Variants in FPR1 observed in about 807,000 individuals in gnomAD.
The protein encoded by FPR1 is formyl peptide receptor 1, also known as N-formyl peptide receptor 1.
For synonymous variants in FPR1, 193 were observed against 176.7 expected, an observed-to-expected ratio of 1.09 and a Z score of -0.73; for missense variants, 407 against 453.0, an observed-to-expected ratio of 0.90 and a Z score of 0.92.
At position 51,746,851 on chromosome 19, in the gene FPR1, G is replaced by C; in HGVS notation, c.144C>G (p.Ile48Met). 6.2e-7 allele frequency: 1 copy of C among 1,614,162 alleles called. No homozygotes were observed. Among genetic ancestry groups the C allele is most frequent in the Non-Finnish European group, 8.5e-7 (1 of 1,180,034 alleles). The change falls in exon 2 of 2, where the codon ATC (isoleucine) becomes ATG (methionine). Residue 48 changes from isoleucine (I) to methionine (M), a missense_variant. Ile to Met is a conservative substitution (Grantham distance 10, BLOSUM62 1). Transcript: ENST00000304748. This position sits in a 1 kb window ranked among gnomAD's most constrained non-coding sequence, Gnocchi z 4.3. Reference sequence around the variant, plus strand: ...GTGTCATCCGGAATCCAGCCACCCAGATCACAAGCCCGTTGCCCAGGACCC... The same window carrying C: ...GTGTCATCCGGAATCCAGCCACCCACATCACAAGCCCGTTGCCCAGGACCC... Reference protein sequence around the residue: ...VLGVLGNGLVIWVAGFRMTHT... With the variant: ...VLGVLGNGLVMWVAGFRMTHT...
chr19:51,748,028 C>T lies in FPR1; in HGVS notation c.-11-1023G>A, dbSNP rs377076886. Among the ~76,000 whole-genome samples the T allele has an allele frequency of 4.6e-5, 7 of 152,172 alleles. No individual in the cohort carries two copies. In the East Asian group the frequency reaches 7.7e-4, roughly 17 times the overall value. On this transcript the variant is annotated intron_variant, in intron 1 of 1. Coordinates refer to ENST00000304748, the MANE Select transcript of FPR1 (RefSeq NM_002029.4). Reference sequence around the variant, plus strand: ...ATTAGCTGGATGTGGTGGCACACACCTGTAGTCCTAGCTACTCAGAAGGGT... The same window carrying T: ...ATTAGCTGGATGTGGTGGCACACACTTGTAGTCCTAGCTACTCAGAAGGGT...
intron 1 of FPR1, among the ~76,000 whole-genome samples, chr19:51,748,885 T>G (rs2083763837): frequency 6.6e-6 from 1 of 152,126 alleles, no homozygotes. Flanking sequence ...GGACTAAGAC[T>G]TTCTCTCACC....
intron 1 of FPR1, 58 bp downstream of exon 1, chr19:51,751,756 C>G (rs1296709640): frequency 6.6e-6 from 1 of 152,224 alleles, no homozygotes; most frequent in Non-Finnish European, 1.5e-5. Flanking sequence ...ATTGTGTTCA[C>G]CAGTGTATTA....
At chr19:51,748,263 A>T (rs1224325707) in intron 1 of FPR1, among the ~76,000 whole-genome samples, 2 of 152,254 alleles carry the variant, frequency 1.3e-5, no homozygotes, top group East Asian at 3.8e-4. Flanking sequence ...AAATATCCAG[A>T]GTAGCCAAAC....
intron 1 of FPR1, 49 bp from the exon 2 acceptor site, chr19:51,747,054 AT>A (rs2083752898): frequency 7.5e-7 from 1 of 1,327,760 alleles, no homozygotes; most frequent in South Asian, 1.4e-5. Context: ...CCTCCGTACC[AT>A]TTCCCCACCC....
At position 51,746,530 on chromosome 19, in the gene FPR1, G is replaced by T; in HGVS notation, c.465C>A (p.Leu155=). The change falls in exon 2 of 2, where the codon CTC becomes CTA. Residue 155 remains leucine (L), a synonymous_variant. Coordinates refer to ENST00000304748, the MANE Select transcript of FPR1 (RefSeq NM_002029.4). The surrounding 1 kb of genome is among the most constrained non-coding windows in gnomAD (Gnocchi z 4.3). ...CACGAATGATAACTGGCAATGTGAG[G>T]AGCAGAGCCATCACCCAGGGCCCAA... is the stretch of plus-strand genomic sequence containing the variant. ...VIIGPWVMAL[L]LTLPVIIRVT... is the part of the protein sequence containing the mutation. 6.2e-7 allele frequency: 1 copy of T among 1,614,178 alleles called. No individual in the cohort carries two copies. Among genetic ancestry groups the T allele is most frequent in the Non-Finnish European group, 8.5e-7 (1 of 1,180,036 alleles).
chr19:51,746,438 T>C lies in FPR1; in HGVS notation c.557A>G (p.Asp186Gly), dbSNP rs1472804229. The C allele has an allele frequency of 1.9e-6, 3 of 1,613,926 alleles. No individual in the cohort carries two copies. The highest frequency in any genetic ancestry group is 2.5e-6 in the Non-Finnish European group (3 of 1,180,012). Residue 186 changes from aspartate (D) to glycine (G), a missense_variant, in exon 2 of 2, where the codon GAC (aspartate) becomes GGC (glycine). Physicochemically the swap from Asp to Gly is moderately conservative, Grantham distance 94. Transcript: ENST00000304748. The surrounding 1 kb of genome is among the most constrained non-coding windows in gnomAD (Gnocchi z 4.3). ...GGCCACATTTATCCTCTCTTTAGGG[T>C]CGTTGGTCCAGGGCGAAAAGTTAAA... ...CTFNFSPWTN[D>G]PKERINVAVA...
Position 51,746,151 on chromosome 19 carries a change from C to T in FPR1, c.844G>A (p.Ala282Thr), listed in dbSNP as rs745657784. Residue 282 changes from alanine (A) to threonine (T), a missense_variant, in exon 2 of 2, where the codon GCA becomes ACA. Transcript: ENST00000304748. The surrounding 1 kb of genome is among the most constrained non-coding windows in gnomAD (Gnocchi z 4.3). ...LQGMYKEIGI[A>T]VDVTSALAFF... ...GCCAGGGCACTTGTCACATCCACTG[C>T]AATACCAATTTCTTTGTACATGCCT... The T allele has an allele frequency of 6.2e-7, 1 of 1,614,092 alleles. No homozygotes were observed. The highest frequency in any genetic ancestry group is 1.3e-5 in the African/African-American group (1 of 74,928).
rs151277630 is a variant in FPR1 at position 51,746,581 on chromosome 19, G to A, written c.414C>T (p.Thr138=). 3.1e-5 allele frequency: 50 copies of A among 1,614,178 alleles called. No homozygotes were observed. Among genetic ancestry groups the A allele is most frequent in the African/African-American group, 2.3e-4 (17 of 75,034 alleles). Residue 138 remains threonine (T), a synonymous_variant, in exon 2 of 2, where the codon ACC becomes ACT. Coordinates refer to ENST00000304748, the MANE Select transcript of FPR1 (RefSeq NM_002029.4). This position sits in a 1 kb window ranked among gnomAD's most constrained non-coding sequence, Gnocchi z 4.3. ...LHPVWTQNHR[T]VSLAKKVIIG... ...TGATCACCTTCTTGGCCAGGCTCAC[G>A]GTGCGGTGGTTCTGGGTCCAGACTG...
At chr19:51,751,098 T>C (rs4801891) in intron 1 of FPR1, among the ~76,000 whole-genome samples, 83,847 of 151,870 alleles carry the variant, frequency 0.55, 23,546 homozygotes, top group East Asian at 0.87. Context: ...TCCTTTCCCA[T>C]CCCGACTCAA....
chr19:51,746,627 C>G lies in FPR1; in HGVS notation c.368G>C (p.Arg123Pro). 6.2e-7 allele frequency: 1 copy of G among 1,614,054 alleles called. No homozygotes were observed. Among genetic ancestry groups the G allele is most frequent in the Non-Finnish European group, 8.5e-7 (1 of 1,180,000 alleles). ...VFLIALIALD[R>P]CVCVLHPVWT... The stretch of plus-strand genomic sequence containing the variant: ...GACTGGATGCAGGACGCAAACACAG[C>G]GGTCCAGAGCAATGAGGGCGATCAG... The change falls in exon 2 of 2, where the codon CGC becomes CCC. Residue 123 changes from arginine to proline, a missense_variant. Coordinates refer to ENST00000304748, the MANE Select transcript of FPR1 (RefSeq NM_002029.4). This position sits in a 1 kb window ranked among gnomAD's most constrained non-coding sequence, Gnocchi z 4.3.
chr19:51,746,900 A>G lies in FPR1; in HGVS notation c.95T>C (p.Val32Ala). The change falls in exon 2 of 2, where the codon GTA becomes GCA. Residue 32 changes from valine (V) to alanine (A), a missense_variant. Coordinates refer to ENST00000304748, the MANE Select transcript of FPR1 (RefSeq NM_002029.4). The surrounding 1 kb of genome is among the most constrained non-coding windows in gnomAD (Gnocchi z 4.3). Reference protein sequence around the residue: ...YLFLDIITYLVFAVTFVLGVL... With the variant: ...YLFLDIITYLAFAVTFVLGVL... ...CCCGAGGACAAAGGTGACTGCAAAT[A>G]CCAGATAAGTGATGATATCCAGGAA... 6.2e-7 allele frequency: 1 copy of G among 1,614,148 alleles called. No individual in the cohort carries two copies.
In FPR1 at chr19:51,746,495, A is replaced by G; in HGVS notation, c.500T>C (p.Val167Ala). The G allele has an allele frequency of 6.2e-7, 1 of 1,614,184 alleles. No homozygotes were observed. Among genetic ancestry groups the G allele is most frequent in the South Asian group, 1.1e-5 (1 of 91,084 alleles). ...GGCTACTGTCCCCGTTTTACCAGGT[A>G]CTGTAGTCACACGAATGATAACTGG... Reference protein sequence around the residue: ...TLPVIIRVTTVPGKTGTVACT... With the variant: ...TLPVIIRVTTAPGKTGTVACT... Residue 167 changes from valine (V) to alanine (A), a missense_variant, in exon 2 of 2, where the codon GTA becomes GCA. By Grantham distance (64) the Val-to-Ala change is moderately conservative. Transcript: ENST00000304748. This position sits in a 1 kb window ranked among gnomAD's most constrained non-coding sequence, Gnocchi z 4.3.
At position 51,745,828 on chromosome 19, in the gene FPR1, T is replaced by C; in HGVS notation, c.*114A>G. ...CAGGGGACACAAAGGCTTTTTTTTT[T>C]TTTTCTGATGAGTGGGTAATCCTAA... is the stretch of plus-strand genomic sequence containing the variant. On this transcript the variant is annotated 3_prime_UTR_variant, in exon 2 of 2. Coordinates refer to ENST00000304748, the MANE Select transcript of FPR1 (RefSeq NM_002029.4). The C allele has an allele frequency of 1.2e-6, 1 of 859,568 alleles. No homozygotes were observed. The highest frequency in any genetic ancestry group is 2.4e-5 in the East Asian group (1 of 40,900). 53.2% of individuals were successfully genotyped at this position (859,568 alleles called of 1,614,324 possible). A position where few individuals can be genotyped will look rare whatever the true frequency, so the allele number is the denominator to read the frequency against.
In FPR1 at chr19:51,746,662, T is replaced by C. The variant is rs2083748353; in HGVS notation, c.333A>G (p.Gly111=). ...VFTIVDINLF[G]SVFLIALIAL... is the part of the protein sequence containing the mutation. The stretch of plus-strand genomic sequence containing the variant: ...CAATGAGGGCGATCAGGAAGACACT[T>C]CCGAACAAGTTGATGTCCACTATGG... The change falls in exon 2 of 2, where the codon GGA becomes GGG. Residue 111 remains glycine, a synonymous_variant. Coordinates refer to ENST00000304748, the MANE Select transcript of FPR1 (RefSeq NM_002029.4). The surrounding 1 kb of genome is among the most constrained non-coding windows in gnomAD (Gnocchi z 4.3). The C allele has an allele frequency of 2.5e-6, 4 of 1,613,952 alleles. No homozygotes were observed. The highest frequency in any genetic ancestry group is 3.4e-6 in the Non-Finnish European group (4 of 1,180,030).
rs201404212 is a variant in FPR1 at position 51,746,043 on chromosome 19, C to T, written c.952G>A (p.Ala318Thr). ...TCGGTCAGGGCCCTCTCCAGACTGG[C>T]GGGAAGGGCGTGGATCAGCCTCTCC... ...FRERLIHALP[A>T]SLERALTEDS... The change falls in exon 2 of 2, where the codon GCC (alanine) becomes ACC (threonine). Residue 318 changes from alanine (A) to threonine (T), a missense_variant. Transcript: ENST00000304748. The surrounding 1 kb of genome is among the most constrained non-coding windows in gnomAD (Gnocchi z 4.3). The T allele has an allele frequency of 2.2e-4, 352 of 1,614,008 alleles. No individual in the cohort carries two copies. The highest frequency in any genetic ancestry group is 2.8e-4 in the Non-Finnish European group (335 of 1,180,022).
chr19:51,749,377 G>A (rs1037442131), intron 1 of FPR1, among the ~76,000 whole-genome samples: 1 of 152,020 alleles, frequency 6.6e-6, no homozygotes, highest in African/African-American at 2.4e-5. Context: ...GATACTAAAC[G>A]ACGTATAATC....
At chr19:51,749,013 G>A (rs890849976) in intron 1 of FPR1, among the ~76,000 whole-genome samples, 2 of 151,926 alleles carry the variant, frequency 1.3e-5, no homozygotes, top group Admixed American at 6.6e-5. Context: ...TTAGCAGTTC[G>A]AGACCAGCCT....
At position 51,746,668 on chromosome 19, in the gene FPR1, C is replaced by T; in HGVS notation, c.327G>A (p.Leu109=). ...KFVFTIVDIN[L]FGSVFLIALI... ...GGGCGATCAGGAAGACACTTCCGAA[C>T]AAGTTGATGTCCACTATGGTAAAGA... The change falls in exon 2 of 2, where the codon TTG becomes TTA. Residue 109 remains leucine, a synonymous_variant. Coordinates refer to ENST00000304748, the MANE Select transcript of FPR1 (RefSeq NM_002029.4). The surrounding 1 kb of genome is among the most constrained non-coding windows in gnomAD (Gnocchi z 4.3). 6.2e-7 allele frequency: 1 copy of T among 1,614,158 alleles called. No individual in the cohort carries two copies.
Sources: allele counts gnomAD v4.1 joint callset (sites outside exome capture counted in the v4.1 genomes callset), GRCh38; gene constraint gnomAD v4.1.1; non-coding constraint Gnocchi (gnomAD v3.1); transcripts MANE v1.5; gene names NCBI Gene and HGNC (gene_info 2026-07-23, HGNC 2026-07-21).